Variants in WWC2 observed in about 807,000 individuals in gnomAD.
WWC2 encodes the protein WW and C2 domain containing 2, also known as protein WWC2.
In WWC2, 101 loss-of-function variants were observed where a neutral mutation model predicts 138.5. The ratio of observed to expected loss-of-function variants is 0.73; its 90% CI spans 0.62 to 0.86. The LOEUF is 0.86. Among genes scored for constraint, WWC2 ranks in the 40% least tolerant of loss-of-function variants. WWC2 has a pLI of 0.00. For synonymous variants in WWC2, 558 were observed against 538.4 expected (o/e 1.04, Z -0.50); for missense variants, 1,420 against 1,419.4 (o/e 1.00, Z -0.01).
At chr4:183,290,147 G>C (rs1470774879) in intron 21 of WWC2, among the ~76,000 whole-genome samples, 2 of 151,992 alleles carry the variant, frequency 1.3e-5, no homozygotes, top group African/African-American at 4.8e-5. Flanking sequence ...ATTACATTTT[G>C]CTTATTGACA....
intron 1 of WWC2, among the ~76,000 whole-genome samples, chr4:183,184,871 G>A (rs1560831155): frequency 3.9e-5 from 6 of 152,168 alleles, no homozygotes; most frequent in African/African-American, 1.4e-4. Flanking sequence ...TAAATGAAGT[G>A]TCTACTATTC....
chr4:183,278,370 G>A (rs2111396360), intron 16 of WWC2, among the ~76,000 whole-genome samples: 1 of 152,222 alleles, frequency 6.6e-6, no homozygotes, highest in African/African-American at 2.4e-5. Context: ...ATGCTGTTTT[G>A]TTTACTGTAG....
chr4:183,193,583 T>C lies in WWC2; in HGVS notation c.132-16T>C, dbSNP rs750289993. ...ACGGAAAGAATCACTGGTGTGTCAATTCTGGTTTGTTGTAGGTTAACGAAG... is the reference window on the plus strand; with the variant it reads ...ACGGAAAGAATCACTGGTGTGTCAACTCTGGTTTGTTGTAGGTTAACGAAG... On this transcript the variant is annotated splice_polypyrimidine_tract_variant and intron_variant, in intron 1 of 22. Coordinates refer to ENST00000403733, the MANE Select transcript of WWC2 (RefSeq NM_024949.6). The C allele has an allele frequency of 6.2e-7, 1 of 1,612,232 alleles. No homozygotes were observed. Among genetic ancestry groups the C allele is most frequent in the East Asian group, 2.2e-5 (1 of 44,860 alleles).
At position 183,231,664 on chromosome 4, in the gene WWC2, A is replaced by C. The variant is rs146211474; in HGVS notation, c.523-8519A>C. On this transcript the variant is annotated intron_variant, in intron 4 of 22. Transcript: ENST00000403733. ...GCTACAGAATAGGACATAGGGAATGAAGGAGAGCAGGTTGCAGGATTTTTG... is the reference window on the plus strand; with the variant it reads ...GCTACAGAATAGGACATAGGGAATGCAGGAGAGCAGGTTGCAGGATTTTTG... 1.9e-3 allele frequency among the ~76,000 whole-genome samples: 288 copies of C among 152,244 alleles called. 1 individual carries two copies. Among genetic ancestry groups the C allele is most frequent in the African/African-American group, 6.5e-3 (272 of 41,532 alleles).
chr4:183,178,558 C>G (rs1016510270), intron 1 of WWC2, among the ~76,000 whole-genome samples: 1 of 149,624 alleles, frequency 6.7e-6, no homozygotes, highest in African/African-American at 2.5e-5. Context: ...CCCCTGAAGT[C>G]TTGCTGTGCT....
intron 4 of WWC2, among the ~76,000 whole-genome samples, chr4:183,232,054 G>C (rs909016180): frequency 6.6e-6 from 1 of 152,184 alleles, no homozygotes; most frequent in African/African-American, 2.4e-5. Flanking sequence ...AGACAAAAGA[G>C]CGTGTCGGCC....
intron 1 of WWC2, among the ~76,000 whole-genome samples, chr4:183,108,349 C>T (rs1352622747): frequency 1.3e-5 from 2 of 151,964 alleles, no homozygotes; most frequent in Admixed American, 6.6e-5. Flanking sequence ...CCCCCAAAAC[C>T]GTAGTAACTC....
At chr4:183,124,554 C>CTTTTTTTTTTTTTTT (rs1732701032) in intron 1 of WWC2, among the ~76,000 whole-genome samples, 1 of 96,998 alleles carries the variant, frequency 1.0e-5, no homozygotes, top group Admixed American at 1.2e-4. Flanking sequence ...TTTTTTTTTG[C>CTTTTTTTTTTTTTTT]TGGGATTACA....
rs1735776745 is a variant in WWC2 at position 183,216,962 on chromosome 4, G to A, written c.522+7937G>A. On this transcript the variant is annotated intron_variant, in intron 4 of 22. Transcript: ENST00000403733. Reference sequence around the variant, plus strand: ...TCACATAGGGCTGGGAATAGTTTGTGTTTCCATCAGCCAGCATAGAGACAT... The same window carrying A: ...TCACATAGGGCTGGGAATAGTTTGTATTTCCATCAGCCAGCATAGAGACAT... 2.0e-5 allele frequency among the ~76,000 whole-genome samples: 3 copies of A among 152,154 alleles called. No homozygotes were observed. In the South Asian group the frequency reaches 6.2e-4, roughly 32 times the overall value.
In WWC2 at chr4:183,300,546, G is replaced by A. The variant is rs543279247; in HGVS notation, c.3384+10911G>A. 2.0e-4 allele frequency among the ~76,000 whole-genome samples: 30 copies of A among 152,186 alleles called. No homozygotes were observed. The South Asian group carries it at 6.0e-3, about 31-fold the overall frequency. On this transcript the variant is annotated intron_variant, in intron 21 of 22. Coordinates refer to ENST00000403733, the MANE Select transcript of WWC2 (RefSeq NM_024949.6). ...CTTAATGATTACAGAAAAGTATTCAGCATTGAGGTCTACCTACAAAATTGT... is the reference window on the plus strand; with the variant it reads ...CTTAATGATTACAGAAAAGTATTCAACATTGAGGTCTACCTACAAAATTGT...
chr4:183,232,548 T>A (rs906797385), intron 4 of WWC2, among the ~76,000 whole-genome samples: 1 of 152,200 alleles, frequency 6.6e-6, no homozygotes, highest in Non-Finnish European at 1.5e-5. Context: ...GTGACTGGCT[T>A]CTTTCACTTG....
chr4:183,181,703 T>G (rs1734638679), intron 1 of WWC2, among the ~76,000 whole-genome samples: 1 of 152,148 alleles, frequency 6.6e-6, no homozygotes, highest in Non-Finnish European at 1.5e-5. Flanking sequence ...AGTAATTAAG[T>G]TTTGGGAGAG....
chr4:183,233,985 G>A (rs914977177), intron 4 of WWC2: 10 of 152,190 alleles, frequency 6.6e-5, no homozygotes, highest in African/African-American at 2.2e-4. Context: ...CATTTTGCTC[G>A]TTAGAACTTT....
intron 1 of WWC2, among the ~76,000 whole-genome samples, chr4:183,152,798 G>A (rs1247869860): frequency 2.0e-5 from 3 of 148,770 alleles, no homozygotes; most frequent in South Asian, 2.1e-4. Flanking sequence ...CAGGAGAATC[G>A]CTTGAACCCA....
At chr4:183,286,657 A>G (rs989615715) in intron 20 of WWC2, among the ~76,000 whole-genome samples, 2 of 152,226 alleles carry the variant, frequency 1.3e-5, no homozygotes, top group African/African-American at 4.8e-5. Flanking sequence ...ACTTGCTAAC[A>G]GCTGAAATAC....
intron 1 of WWC2, 62 bp downstream of exon 1, chr4:183,099,684 C>T (rs1254591143): frequency 1.4e-5 from 16 of 1,179,522 alleles, no homozygotes; most frequent in African/African-American, 9.7e-5. Flanking sequence ...CCCGGAGACC[C>T]GGCCGCGCGG....
At chr4:183,227,236 C>T (rs568177203) in intron 4 of WWC2, among the ~76,000 whole-genome samples, 7 of 152,162 alleles carry the variant, frequency 4.6e-5, no homozygotes, top group Admixed American at 4.6e-4. Flanking sequence ...CCATCAGATA[C>T]CCCTGAATTC....
At chr4:183,268,764 A>G (rs1404118584) in intron 14 of WWC2, among the ~76,000 whole-genome samples, 1 of 152,136 alleles carries the variant, frequency 6.6e-6, no homozygotes, top group Non-Finnish European at 1.5e-5. Context: ...GGGCCATTGC[A>G]TGCTCAGGGG....
intron 11 of WWC2, among the ~76,000 whole-genome samples, chr4:183,262,793 T>C (rs1381177403): frequency 1.3e-5 from 2 of 150,910 alleles, no homozygotes; most frequent in Non-Finnish European, 3.0e-5. Context: ...CGTGCGTGCG[T>C]GTGTGTGTGT....
Sources: gnomAD v4.1 joint callset for allele counts (sites outside exome capture counted in the v4.1 genomes callset) on GRCh38, gnomAD v4.1.1 for gene constraint, MANE v1.5 for transcripts, NCBI Gene and HGNC (gene_info 2026-07-23, HGNC 2026-07-21) for gene names.